Variants in GPD2 observed in about 807,000 individuals in gnomAD.
GPD2 encodes glycerol-3-phosphate dehydrogenase, mitochondrial.
GPD2 carries 54 observed loss-of-function variants against 82.4 expected under a neutral mutation model. The ratio of observed to expected loss-of-function variants is 0.66; its 90% CI spans 0.53 to 0.82. The LOEUF is 0.82. Ranked by LOEUF, GPD2 falls within the 40% of genes least tolerant of loss-of-function variation. The probability of loss-of-function intolerance (pLI) is 0.00; values close to 1 mark genes in which losing one functional copy is unlikely to be tolerated. For missense variants in GPD2, 748 were observed against 896.2 expected (o/e 0.83, Z 2.11); for synonymous variants, 288 against 306.1 (o/e 0.94, Z 0.62).
At position 156,479,227 on chromosome 2, in the gene GPD2, A is replaced by T. The variant is rs545154957; in HGVS notation, c.102+3020A>T. 3.7e-4 allele frequency among the ~76,000 whole-genome samples: 56 copies of T among 152,368 alleles called. 3 individuals are homozygous for T. The East Asian group carries it at 8.1e-3, about 22-fold the overall frequency. On this transcript the variant is annotated intron_variant, in intron 2 of 16. Transcript: ENST00000438166. ...GAAAACAATTGTATATTCTTTAAAA[A>T]TTAATTAAACATAAGACAGATTGAA...
chr2:156,444,118 T>C (rs773554512), intron 1 of GPD2, among the ~76,000 whole-genome samples: 1 of 152,208 alleles, frequency 6.6e-6, no homozygotes, highest in African/African-American at 2.4e-5. Flanking sequence ...ATGAAATGTT[T>C]ATTTCTCTTG....
the GPD2 span, among the ~76,000 whole-genome samples, chr2:156,409,801 A>T: frequency 6.6e-6 from 1 of 152,226 alleles, no homozygotes; most frequent in African/African-American, 2.4e-5. Flanking sequence ...CAAAGTTAAC[A>T]TCCTGGACCA....
intron 2 of GPD2, among the ~76,000 whole-genome samples, chr2:156,492,293 A>G (rs562354831): frequency 6.7e-6 from 1 of 150,320 alleles, no homozygotes; most frequent in South Asian, 2.1e-4. Flanking sequence ...AGCTGGAACT[A>G]TAGGCGTGTG....
At chr2:156,492,958 A>G (rs1684238055) in intron 2 of GPD2, among the ~76,000 whole-genome samples, 1 of 152,222 alleles carries the variant, frequency 6.6e-6, no homozygotes, top group Non-Finnish European at 1.5e-5. Flanking sequence ...GGAGGTCTCA[A>G]GTAGGCAGTG....
intron 1 of GPD2, among the ~76,000 whole-genome samples, chr2:156,474,078 C>T (rs1174870239): frequency 4.6e-5 from 7 of 152,124 alleles, no homozygotes; most frequent in Admixed American, 4.6e-4. Flanking sequence ...GTCTCCCAGG[C>T]TGGAGTGCAG....
the GPD2 span, among the ~76,000 whole-genome samples, chr2:156,407,469 A>G: frequency 8.5e-5 from 13 of 152,110 alleles, no homozygotes; most frequent in African/African-American, 3.1e-4. Context: ...TAGTGGCTCT[A>G]TGTTCATTTT....
intron 1 of GPD2, among the ~76,000 whole-genome samples, chr2:156,460,185 A>G (rs1425346809): frequency 6.6e-6 from 1 of 152,226 alleles, no homozygotes. Context: ...TTGAGTATAA[A>G]TTGCTAATGT....
At chr2:156,436,215 G>A (rs1688423282), upstream of GPD2, among the ~76,000 whole-genome samples, 1 of 152,250 alleles carries the variant, frequency 6.6e-6, no homozygotes, top group African/African-American at 2.4e-5. Flanking sequence ...CGCTGGGCCG[G>A]AGGAGCCTGG....
At chr2:156,446,875 A>T (rs1436511780) in intron 1 of GPD2, among the ~76,000 whole-genome samples, 1 of 152,176 alleles carries the variant, frequency 6.6e-6, no homozygotes, top group Non-Finnish European at 1.5e-5. Flanking sequence ...TTATTCTGAG[A>T]GAATTGAAAT....
intron 1 of GPD2, among the ~76,000 whole-genome samples, chr2:156,444,264 A>G (rs1174955364): frequency 6.6e-6 from 1 of 152,122 alleles, no homozygotes; most frequent in Non-Finnish European, 1.5e-5. Context: ...TCACATCTAG[A>G]GGCTGCCACA....
chr2:156,546,748 G>A (rs1449568915), intron 6 of GPD2, among the ~76,000 whole-genome samples: 1 of 152,140 alleles, frequency 6.6e-6, no homozygotes, highest in South Asian at 2.1e-4. Context: ...AACTATTTCT[G>A]CTTCCCTCCC....
intron 6 of GPD2, among the ~76,000 whole-genome samples, chr2:156,540,654 G>A (rs996455028): frequency 2.6e-5 from 4 of 152,182 alleles, no homozygotes; most frequent in African/African-American, 9.7e-5. Flanking sequence ...AAGAGAAAAT[G>A]AAGTCCTCTG....
chr2:156,534,943 G>C (rs1031126928), intron 6 of GPD2, among the ~76,000 whole-genome samples: 3 of 152,140 alleles, frequency 2.0e-5, no homozygotes, highest in Non-Finnish European at 4.4e-5. Context: ...GCTTCCTTAA[G>C]TAAGTAATGC....
At chr2:156,482,438 A>C (rs1227244220) in intron 2 of GPD2, among the ~76,000 whole-genome samples, 4 of 152,264 alleles carry the variant, frequency 2.6e-5, no homozygotes, top group African/African-American at 9.6e-5. Flanking sequence ...TATAACTGAT[A>C]TGTTGCTAAA....
intron 13 of GPD2, among the ~76,000 whole-genome samples, chr2:156,574,818 T>C (rs187012828): frequency 1.2e-3 from 186 of 152,290 alleles, no homozygotes; most frequent in Non-Finnish European, 1.9e-3. Context: ...AAATGTAATG[T>C]TTAAAAGTTG....
chr2:156,467,054 T>C (rs1160502144), intron 1 of GPD2, among the ~76,000 whole-genome samples: 1 of 152,250 alleles, frequency 6.6e-6, no homozygotes, highest in Non-Finnish European at 1.5e-5. Context: ...TGTGAATTGA[T>C]ATAAATATAG....
rs1413084135 is a variant in GPD2 at position 156,446,889 on chromosome 2, A to T, written c.-9+10376A>T. 2.0e-5 allele frequency among the ~76,000 whole-genome samples: 3 copies of T among 152,176 alleles called. No homozygotes were observed. In the East Asian group the frequency reaches 5.8e-4, roughly 29 times the overall value. ...ATTATTCTGAGAGAATTGAAATAAC[A>T]TGTCAAATCTTAAAATTTTTCTCCT... On this transcript the variant is annotated intron_variant, in intron 1 of 16. Transcript: ENST00000438166.
At chr2:156,503,426 A>G (rs1384960743) in intron 3 of GPD2, among the ~76,000 whole-genome samples, 3 of 152,174 alleles carry the variant, frequency 2.0e-5, no homozygotes, top group Non-Finnish European at 4.4e-5. Context: ...TGAGTCAATT[A>G]TGTCCTTTAA....
chr2:156,535,348 A>G (rs1301709890), intron 6 of GPD2, among the ~76,000 whole-genome samples: 1 of 135,480 alleles, frequency 7.4e-6, no homozygotes, highest in Non-Finnish European at 1.6e-5. Context: ...GAAGAGAGAG[A>G]AAGAAAGAAA....
Sources: allele counts gnomAD v4.1 joint callset (sites outside exome capture counted in the v4.1 genomes callset), GRCh38; gene constraint gnomAD v4.1.1; transcripts MANE v1.5; gene names NCBI Gene and HGNC (gene_info 2026-07-23, HGNC 2026-07-21).